CSRNP3: variants seen among roughly 807,000 people sequenced by gnomAD.
CSRNP3 encodes cysteine/serine-rich nuclear protein 3.
In CSRNP3, 12 loss-of-function variants were observed where a neutral mutation model predicts 48.0. The observed-to-expected ratio is 0.25, with a 90% CI of 0.16 to 0.41. The LOEUF (loss-of-function observed/expected upper bound fraction) is 0.41. CSRNP3 is among the 10% of genes least tolerant of loss of function. The pLI is 1.00. For synonymous variants in CSRNP3, 263 were observed against 269.7 expected (o/e 0.98, Z 0.24); for missense variants, 580 against 724.4 (o/e 0.80, Z 2.29).
chr2:165,647,795 A>G (rs982155132), intron 4 of CSRNP3, among the ~76,000 whole-genome samples: 1 of 152,168 alleles, frequency 6.6e-6, no homozygotes, highest in Non-Finnish European at 1.5e-5. Flanking sequence ...TTTTCATTAG[A>G]TGATTTGGGC....
intron 3 of CSRNP3, among the ~76,000 whole-genome samples, chr2:165,553,348 C>T (rs1468258878): frequency 1.3e-5 from 2 of 152,170 alleles, no homozygotes. Flanking sequence ...CTTAAGTTTA[C>T]TTTCAATTCC....
chr2:165,514,133 G>A (rs1684544076), intron 2 of CSRNP3, among the ~76,000 whole-genome samples: 1 of 152,212 alleles, frequency 6.6e-6, no homozygotes, highest in South Asian at 2.1e-4. Flanking sequence ...TAAGTATACA[G>A]TTATCAGTCT....
intron 3 of CSRNP3, among the ~76,000 whole-genome samples, chr2:165,552,015 A>G (rs1296963346): frequency 6.6e-6 from 1 of 152,236 alleles, no homozygotes; most frequent in Non-Finnish European, 1.5e-5. Flanking sequence ...CAAGACAGCT[A>G]TATTCCTTGC....
rs1159247510 is a variant in CSRNP3, at chr2:165,688,226, T to TA, written c.*8480dup. The TA allele has an allele frequency of 2.0e-5, 3 of 152,046 alleles. No homozygotes were observed. The highest frequency in any genetic ancestry group is 4.4e-5 in the Non-Finnish European group (3 of 67,988). The allele number at this position is 152,046 out of a possible 1,614,324, so 9.4% of individuals were successfully genotyped here. A position where few individuals can be genotyped will look rare whatever the true frequency, so the allele number is the denominator to read the frequency against. ...CTAGAAATTTACAGTACAGAAATAG[T>TA]AAAAAAATAAAATAAAAATAAACCT... On this transcript the variant is annotated 3_prime_UTR_variant, in exon 7 of 7. Coordinates refer to ENST00000651982, the MANE Select transcript of CSRNP3 (RefSeq NM_001172173.2).
At chr2:165,670,206 T>G (rs1687305774) in intron 5 of CSRNP3, among the ~76,000 whole-genome samples, 1 of 152,156 alleles carries the variant, frequency 6.6e-6, no homozygotes, top group African/African-American at 2.4e-5. Context: ...TACTCTATTT[T>G]CAGATTTGAA....
intron 3 of CSRNP3, among the ~76,000 whole-genome samples, chr2:165,520,770 T>TTA (rs1161447238): frequency 9.3e-5 from 10 of 107,354 alleles, no homozygotes; most frequent in Admixed American, 2.9e-4. Context: ...TAGAAATATA[T>TTA]TATATATATA....
intron 2 of CSRNP3, among the ~76,000 whole-genome samples, chr2:165,503,434 A>G (rs1054590893): frequency 5.3e-5 from 8 of 151,940 alleles, no homozygotes; most frequent in Non-Finnish European, 1.0e-4. Flanking sequence ...TAAAACCAAC[A>G]TTAGTGTTAT....
At chr2:165,566,215 A>G (rs950548730) in intron 3 of CSRNP3, among the ~76,000 whole-genome samples, 1 of 152,004 alleles carries the variant, frequency 6.6e-6, no homozygotes, top group Admixed American at 6.6e-5. Context: ...GAGATAAAAA[A>G]AAATCTTAGC....
At chr2:165,661,451 A>G (rs544375575) in intron 5 of CSRNP3, among the ~76,000 whole-genome samples, 68 of 152,254 alleles carry the variant, frequency 4.5e-4, no homozygotes, top group African/African-American at 1.2e-3. Context: ...GTTCATCCTC[A>G]TGATTGCATG....
chr2:165,609,233 A>C (rs1258062775), intron 4 of CSRNP3, among the ~76,000 whole-genome samples: 1 of 151,464 alleles, frequency 6.6e-6, no homozygotes, highest in African/African-American at 2.4e-5. Flanking sequence ...AGGCAGGAGG[A>C]TCACGAGGTC....
intron 3 of CSRNP3, among the ~76,000 whole-genome samples, chr2:165,573,632 C>T (rs1298247098): frequency 6.6e-6 from 1 of 152,138 alleles, no homozygotes; most frequent in African/African-American, 2.4e-5. Context: ...ATCCTGGGAC[C>T]TAAATTCTTT....
chr2:165,597,038 T>C (rs746744107), intron 4 of CSRNP3, among the ~76,000 whole-genome samples: 7 of 152,176 alleles, frequency 4.6e-5, no homozygotes, highest in Admixed American at 6.5e-5. Flanking sequence ...AGCCTGGATA[T>C]ATATACATGT....
At chr2:165,504,185 C>T (rs1684395235) in intron 2 of CSRNP3, among the ~76,000 whole-genome samples, 1 of 151,950 alleles carries the variant, frequency 6.6e-6, no homozygotes, top group Non-Finnish European at 1.5e-5. Flanking sequence ...TTTAAAAATA[C>T]ATTTCAAATT....
At chr2:165,502,875 A>C (rs975962521) in intron 2 of CSRNP3, among the ~76,000 whole-genome samples, 2 of 151,924 alleles carry the variant, frequency 1.3e-5, no homozygotes, top group Non-Finnish European at 2.9e-5. Flanking sequence ...CAATGTTTGC[A>C]CTTGAATTTC....
intron 4 of CSRNP3, among the ~76,000 whole-genome samples, chr2:165,607,040 C>T (rs780262383): frequency 4.0e-5 from 6 of 151,818 alleles, no homozygotes; most frequent in East Asian, 1.9e-4. Flanking sequence ...GTATTAAGCA[C>T]GTGTTATTTT....
rs1686063104 is a variant in CSRNP3 at position 165,608,149 on chromosome 2, TC to T, written c.148+12937del. The stretch of plus-strand genomic sequence containing the variant: ...CTTGTAGATCCCACAAAAATGAAAA[TC>T]GTGAATTATTTTATTGGATTTTGTT... On this transcript the variant is annotated intron_variant, in intron 4 of 6. Transcript: ENST00000651982. 7.3e-5 allele frequency among the ~76,000 whole-genome samples: 11 copies of T among 151,128 alleles called. No homozygotes were observed. In the South Asian group the frequency reaches 2.3e-3, roughly 31 times the overall value.
intron 2 of CSRNP3, among the ~76,000 whole-genome samples, chr2:165,516,525 T>A (rs1684584756): frequency 6.6e-6 from 1 of 152,186 alleles, no homozygotes; most frequent in Non-Finnish European, 1.5e-5. Context: ...TAGAATTAAC[T>A]ATTCCATAAT....
intron 4 of CSRNP3, among the ~76,000 whole-genome samples, chr2:165,655,793 C>A (rs752777312): frequency 2.0e-5 from 3 of 152,186 alleles, no homozygotes; most frequent in African/African-American, 7.2e-5. Context: ...AGTCTTCACA[C>A]GGTGTTCTTT....
intron 4 of CSRNP3, among the ~76,000 whole-genome samples, chr2:165,646,599 G>A (rs1236448494): frequency 6.6e-6 from 1 of 152,176 alleles, no homozygotes; most frequent in Non-Finnish European, 1.5e-5. Flanking sequence ...GCCTCATGCG[G>A]CTTTATTTTG....
Sources: allele counts gnomAD v4.1 joint callset (sites outside exome capture counted in the v4.1 genomes callset), GRCh38; gene constraint gnomAD v4.1.1; transcripts MANE v1.5; gene names NCBI Gene and HGNC (gene_info 2026-07-23, HGNC 2026-07-21).